CREBL2: variants seen among roughly 807,000 people sequenced by gnomAD.
CREBL2 encodes cAMP-responsive element-binding protein-like 2.
Under a neutral mutation model 19.5 loss-of-function variants are expected in CREBL2, and 4 were observed. The observed-to-expected ratio is 0.20, with a 90% CI of 0.10 to 0.47. The LOEUF (loss-of-function observed/expected upper bound fraction) is 0.47. CREBL2 is among the 20% of genes least tolerant of loss of function. The probability of loss-of-function intolerance (pLI) is 0.98; values close to 1 mark genes in which losing one functional copy is unlikely to be tolerated. For missense variants in CREBL2, 85 were observed against 145.1 expected, an observed-to-expected ratio of 0.59 and a Z score of 2.13; for synonymous variants, 42 against 46.6, an observed-to-expected ratio of 0.90 and a Z score of 0.40.
chr12:12,617,535 A>C (rs1452272463), intron 1 of CREBL2, among the ~76,000 whole-genome samples: 1 of 151,752 alleles, frequency 6.6e-6, no homozygotes, highest in Non-Finnish European at 1.5e-5. Context: ...ACAGACTCTA[A>C]CACATAGTAG....
intron 1 of CREBL2, among the ~76,000 whole-genome samples, chr12:12,618,465 A>G (rs1945332298): frequency 6.9e-6 from 1 of 144,636 alleles, no homozygotes; most frequent in South Asian, 2.2e-4. Context: ...CCCACATCTC[A>G]GACGTTGGGC....
rs979037855 is a variant in CREBL2, at chr12:12,635,341, C to G, written c.16-436C>G. Among the ~76,000 whole-genome samples the G allele has an allele frequency of 2.0e-5, 3 of 150,066 alleles. No individual in the cohort carries two copies. In the South Asian group the frequency reaches 6.3e-4, roughly 31 times the overall value. On this transcript the variant is annotated intron_variant, in intron 1 of 3. Transcript: ENST00000228865. ...CCATGATTGTACTACTGAACTCTAG[C>G]CTGAGTGACAGAGTGAGACCCTGTC...
At chr12:12,623,414 A>G (rs1945376143) in intron 1 of CREBL2, among the ~76,000 whole-genome samples, 1 of 152,176 alleles carries the variant, frequency 6.6e-6, no homozygotes, top group South Asian at 2.1e-4. Flanking sequence ...TTTGAAGAAA[A>G]ATGACTTATG....
At position 12,623,099 on chromosome 12, in the gene CREBL2, CTT is replaced by C. The variant is rs5796501; in HGVS notation, c.15+10929_15+10930del. Among the ~76,000 whole-genome samples, 278 of 117,652 alleles carry C rather than the reference CTT, an allele frequency of 2.4e-3. 1 individual carries two copies. The highest frequency in any genetic ancestry group is 9.6e-3 in the South Asian group (35 of 3,636). The allele number at this position is 117,652 out of a possible 152,430, so 77.2% of individuals were successfully genotyped here. A position where few individuals can be genotyped will look rare whatever the true frequency, so the allele number is the denominator to read the frequency against. On this transcript the variant is annotated intron_variant, in intron 1 of 3. Coordinates refer to ENST00000228865, the MANE Select transcript of CREBL2 (RefSeq NM_001310.4). ...AGGGAGCATTTCTTTGTAACAACTT[CTT>C]TTTTTTTTTTTTTTTTGTAACAACT...
Position 12,635,822 on chromosome 12 carries a change from C to G in CREBL2, c.61C>G (p.Pro21Ala). The part of the protein sequence containing the change: ...VKKPGKRGRK[P>A]AKIDLKAKLE... ...GAAGCCCGGTAAACGTGGTCGGAAG[C>G]CAGCCAAAATTGACTTGAAAGCAAA... The change falls in exon 2 of 4, where the codon CCA (proline) becomes GCA (alanine). Residue 21 changes from proline (P) to alanine (A), a missense_variant. Around this residue, in one of 5 missense-constraint regions of CREBL2, gnomAD observed 5 missense variants for 16.3 expected, o/e 0.31. Transcript: ENST00000228865. 1 of 1,613,726 alleles carries G rather than the reference C, an allele frequency of 6.2e-7. No individual in the cohort carries two copies. The highest frequency in any genetic ancestry group is 8.5e-7 in the Non-Finnish European group (1 of 1,179,844).
rs5796501 is a variant in CREBL2, at chr12:12,623,099, CTTT to C, written c.15+10928_15+10930del. 1.9e-3 allele frequency among the ~76,000 whole-genome samples: 220 copies of C among 117,658 alleles called. 1 individual carries two copies. Among genetic ancestry groups the C allele is most frequent in the African/African-American group, 5.7e-3 (191 of 33,596 alleles). The allele number at this position is 117,658 out of a possible 152,430, so 77.2% of individuals were successfully genotyped here. The stretch of plus-strand genomic sequence containing the variant: ...AGGGAGCATTTCTTTGTAACAACTT[CTTT>C]TTTTTTTTTTTTTTTGTAACAACTT... On this transcript the variant is annotated intron_variant, in intron 1 of 3. Coordinates refer to ENST00000228865, the MANE Select transcript of CREBL2 (RefSeq NM_001310.4).
At chr12:12,620,572 G>C (rs1388043433) in intron 1 of CREBL2, among the ~76,000 whole-genome samples, 1 of 152,126 alleles carries the variant, frequency 6.6e-6, no homozygotes, top group Non-Finnish European at 1.5e-5. Context: ...TTCAACTTGA[G>C]TACCTCTACA....
At chr12:12,636,712 C>T (rs12580006) in intron 2 of CREBL2, among the ~76,000 whole-genome samples, 54,953 of 152,168 alleles carry the variant, frequency 0.36, 10,125 homozygotes, top group South Asian at 0.45. Flanking sequence ...TCAGCCACTG[C>T]ACCCAGCCAA....
chr12:12,620,131 C>T (rs1182942329), intron 1 of CREBL2, among the ~76,000 whole-genome samples: 1 of 152,226 alleles, frequency 6.6e-6, no homozygotes, highest in Admixed American at 6.5e-5. Flanking sequence ...TTCCTGTCCT[C>T]TTACTCACAT....
At chr12:12,617,593 T>C (rs1297186766) in intron 1 of CREBL2, among the ~76,000 whole-genome samples, 1 of 149,708 alleles carries the variant, frequency 6.7e-6, no homozygotes, top group Non-Finnish European at 1.5e-5. Context: ...AGTGATTCCT[T>C]GTGCTTTACT....
chr12:12,635,635 T>G lies in CREBL2; in HGVS notation c.16-142T>G. Reference sequence around the variant, plus strand: ...AATTAGGGAAAGACCCAGAAGGCATTTGATGGGATTATGCTTTCTTAGTTC... The same window carrying G: ...AATTAGGGAAAGACCCAGAAGGCATGTGATGGGATTATGCTTTCTTAGTTC... On this transcript the variant is annotated intron_variant, in intron 1 of 3. Transcript: ENST00000228865. 3.4e-6 allele frequency: 3 copies of G among 884,704 alleles called. No individual in the cohort carries two copies. The South Asian group carries it at 6.0e-5, about 18-fold the overall frequency. The allele number at this position is 884,704 out of a possible 1,614,324, so 54.8% of individuals were successfully genotyped here.
Position 12,626,083 on chromosome 12 carries a change from G to A in CREBL2, c.16-9694G>A, listed in dbSNP as rs543301395. 8.3e-4 allele frequency among the ~76,000 whole-genome samples: 126 copies of A among 152,222 alleles called. 1 individual carries two copies. The highest frequency in any genetic ancestry group is 2.6e-3 in the Admixed American group (40 of 15,300). Reference sequence around the variant, plus strand: ...TGACCACACACCCTGGTTTAGCCCCGAATTTATGTTTTTATTCTGTTTGTC... The same window carrying A: ...TGACCACACACCCTGGTTTAGCCCCAAATTTATGTTTTTATTCTGTTTGTC... On this transcript the variant is annotated intron_variant, in intron 1 of 3. Coordinates refer to ENST00000228865, the MANE Select transcript of CREBL2 (RefSeq NM_001310.4).
chr12:12,639,093 T>C (rs1225280359), intron 3 of CREBL2, among the ~76,000 whole-genome samples: 1 of 152,202 alleles, frequency 6.6e-6, no homozygotes, highest in Non-Finnish European at 1.5e-5. Context: ...TGGGTCTGGC[T>C]TCTGTCACCT....
intron 3 of CREBL2, among the ~76,000 whole-genome samples, chr12:12,638,153 G>A (rs115163478): frequency 6.6e-6 from 1 of 151,614 alleles, no homozygotes; most frequent in Non-Finnish European, 1.5e-5. Context: ...AATGGCATTA[G>A]ATTCTGGCCA....
intron 1 of CREBL2, among the ~76,000 whole-genome samples, chr12:12,614,016 G>A (rs186516589): frequency 4.7e-5 from 6 of 126,772 alleles, no homozygotes; most frequent in African/African-American, 1.8e-4. Context: ...TTTTTGAGAC[G>A]GAGTCTCCGC....
chr12:12,634,069 G>A (rs752615856), intron 1 of CREBL2, among the ~76,000 whole-genome samples: 1 of 152,156 alleles, frequency 6.6e-6, no homozygotes, highest in Non-Finnish European at 1.5e-5. Flanking sequence ...TTAAAGAATA[G>A]TGTATAGTTC....
intron 1 of CREBL2, among the ~76,000 whole-genome samples, chr12:12,630,439 A>G (rs979505435): frequency 1.3e-5 from 2 of 151,932 alleles, no homozygotes; most frequent in Non-Finnish European, 2.9e-5. Flanking sequence ...AGTGTTAGTA[A>G]TGGTGTCTCT....
intron 1 of CREBL2, among the ~76,000 whole-genome samples, chr12:12,613,863 T>C (rs1945285928): frequency 6.6e-6 from 1 of 152,008 alleles, no homozygotes; most frequent in Admixed American, 6.6e-5. Context: ...GGAAGTGGTA[T>C]TTCCAAGACA....
At chr12:12,613,917 ATTT>A (rs36102670) in intron 1 of CREBL2, among the ~76,000 whole-genome samples, 2 of 136,100 alleles carry the variant, frequency 1.5e-5, no homozygotes, top group Non-Finnish European at 3.1e-5. Flanking sequence ...TCAGCAAGTA[ATTT>A]TTTTTTTTTT....
Sources: gnomAD v4.1 joint callset for allele counts (sites outside exome capture counted in the v4.1 genomes callset) on GRCh38, gnomAD v4.1.1 for gene constraint, gnomAD v4.1.1 regional missense constraint, MANE v1.5 for transcripts, NCBI Gene and HGNC (gene_info 2026-07-23, HGNC 2026-07-21) for gene names.